EEF1AKMT1: variants seen among roughly 807,000 people sequenced by gnomAD.
EEF1AKMT1 encodes N-6 adenine-specific DNA methyltransferase 2 (putative).
In EEF1AKMT1, 18 loss-of-function variants were observed where a neutral mutation model predicts 21.0. The ratio of observed to expected loss-of-function variants is 0.86; its 90% CI spans 0.59 to 1.27. EEF1AKMT1 has a LOEUF of 1.27. Ranked by LOEUF, EEF1AKMT1 falls within the 50% of genes most tolerant of loss-of-function variation. The pLI is 0.00. For missense variants in EEF1AKMT1, 246 were observed against 258.6 expected, an observed-to-expected ratio of 0.95 and a Z score of 0.33; for synonymous variants, 109 against 94.8, an observed-to-expected ratio of 1.15 and a Z score of -0.87.
intron 1 of EEF1AKMT1, among the ~76,000 whole-genome samples, chr13:20,762,227 G>A (rs2059004892): frequency 6.8e-6 from 1 of 147,894 alleles, no homozygotes; most frequent in Non-Finnish European, 1.5e-5. Context: ...CTGTTGCCCA[G>A]GCTGGAGTGC....
chr13:20,737,605 AACC>A, intron 3 of EEF1AKMT1, 115 bp downstream of exon 3: 1 of 861,468 alleles, frequency 1.2e-6, no homozygotes, highest in East Asian at 2.8e-5. Context: ...ATATGCTGCA[AACC>A]ATGATCTACA....
intron 4 of EEF1AKMT1, among the ~76,000 whole-genome samples, chr13:20,729,491 C>A (rs945183192): frequency 1.8e-5 from 2 of 112,826 alleles, no homozygotes; most frequent in East Asian, 3.9e-4. Flanking sequence ...AGATTATACA[C>A]ACACACACAC....
chr13:20,756,403 T>A (rs985071406), intron 2 of EEF1AKMT1, among the ~76,000 whole-genome samples: 1 of 152,226 alleles, frequency 6.6e-6, no homozygotes, highest in African/African-American at 2.4e-5. Context: ...ACTATTAGTA[T>A]CTTCTTTAAA....
chr13:20,729,507 C>CAT (rs906418762), intron 4 of EEF1AKMT1, among the ~76,000 whole-genome samples: 9 of 151,728 alleles, frequency 5.9e-5, no homozygotes, highest in African/African-American at 2.2e-4. Context: ...CACACACACA[C>CAT]GTACTATATA....
chr13:20,756,832 C>A (rs1363298454), intron 2 of EEF1AKMT1, among the ~76,000 whole-genome samples: 2 of 152,118 alleles, frequency 1.3e-5, no homozygotes, highest in Non-Finnish European at 2.9e-5. Context: ...GTGCCTTCAC[C>A]TTTACCTTTT....
chr13:20,756,676 C>A (rs1332183762), intron 2 of EEF1AKMT1, among the ~76,000 whole-genome samples: 1 of 152,242 alleles, frequency 6.6e-6, no homozygotes, highest in Non-Finnish European at 1.5e-5. Context: ...GAAAGCCAAG[C>A]TACAAGTTAA....
At chr13:20,770,108 C>A (rs962006903) in intron 1 of EEF1AKMT1, among the ~76,000 whole-genome samples, 2 of 152,094 alleles carry the variant, frequency 1.3e-5, no homozygotes, top group African/African-American at 4.8e-5. Context: ...TAAATACATA[C>A]AATGGAATAT....
chr13:20,760,909 C>T (rs1199290622), intron 1 of EEF1AKMT1, among the ~76,000 whole-genome samples: 1 of 152,106 alleles, frequency 6.6e-6, no homozygotes, highest in Non-Finnish European at 1.5e-5. Flanking sequence ...ATTCTCATTC[C>T]TAAGCTTTCT....
intron 2 of EEF1AKMT1, among the ~76,000 whole-genome samples, chr13:20,742,396 A>G (rs989801380): frequency 1.5e-4 from 23 of 152,316 alleles, no homozygotes; most frequent in Admixed American, 1.4e-3. Context: ...CTAGCTTGCA[A>G]CTAGGACCTA....
At chr13:20,730,350 C>G (rs1237798770) in intron 4 of EEF1AKMT1, among the ~76,000 whole-genome samples, 3 of 152,306 alleles carry the variant, frequency 2.0e-5, no homozygotes, top group African/African-American at 4.8e-5. Context: ...TCCCGTGGCT[C>G]CACTCCTGGC....
At chr13:20,742,564 T>C (rs2058877788) in intron 2 of EEF1AKMT1, among the ~76,000 whole-genome samples, 1 of 152,160 alleles carries the variant, frequency 6.6e-6, no homozygotes, top group African/African-American at 2.4e-5. Context: ...AAAATGACCA[T>C]GAATGTCTCT....
chr13:20,733,661 T>C (rs2141411691), intron 3 of EEF1AKMT1, among the ~76,000 whole-genome samples: 1 of 152,292 alleles, frequency 6.6e-6, no homozygotes, highest in South Asian at 2.1e-4. Context: ...TATATGCATA[T>C]AGATGTACAG....
intron 2 of EEF1AKMT1, among the ~76,000 whole-genome samples, chr13:20,748,721 T>G (rs2058923374): frequency 1.1e-5 from 1 of 93,470 alleles, no homozygotes; most frequent in African/African-American, 3.7e-5. Context: ...AGTTGTTTTT[T>G]TTTGGTTTTT....
At chr13:20,738,386 GATCTTT>G (rs1186853811) in intron 2 of EEF1AKMT1, among the ~76,000 whole-genome samples, 1 of 152,170 alleles carries the variant, frequency 6.6e-6, no homozygotes, top group Non-Finnish European at 1.5e-5. Context: ...AATTTCTAGT[GATCTTT>G]ATCTATTCAT....
intron 2 of EEF1AKMT1, among the ~76,000 whole-genome samples, chr13:20,749,061 T>A (rs2141425643): frequency 6.6e-6 from 1 of 152,314 alleles, no homozygotes; most frequent in East Asian, 1.9e-4. Flanking sequence ...TTTTGGTTAG[T>A]TAGAATTAAG....
intron 1 of EEF1AKMT1, among the ~76,000 whole-genome samples, chr13:20,764,912 CA>C (rs1566539004): frequency 3.3e-5 from 5 of 150,588 alleles, no homozygotes; most frequent in Admixed American, 6.6e-5. Flanking sequence ...CACACACACA[CA>C]CACACCCTAA....
At chr13:20,749,714 G>A (rs904086344) in intron 2 of EEF1AKMT1, among the ~76,000 whole-genome samples, 1 of 151,902 alleles carries the variant, frequency 6.6e-6, no homozygotes, top group South Asian at 2.1e-4. Flanking sequence ...TTCAAAAAAA[G>A]AAAGAAAAGA....
chr13:20,731,490 C>T (rs183410952), intron 4 of EEF1AKMT1, among the ~76,000 whole-genome samples: 131 of 152,252 alleles, frequency 8.6e-4, no homozygotes, highest in African/African-American at 3.0e-3. Flanking sequence ...TAACCTCAGG[C>T]AATTCACTTA....
intron 4 of EEF1AKMT1, among the ~76,000 whole-genome samples, chr13:20,731,484 C>A (rs143628635): frequency 1.2e-4 from 18 of 152,254 alleles, no homozygotes; most frequent in African/African-American, 4.3e-4. Context: ...ACTCTGTAAC[C>A]TCAGGCAATT....
Sources: gnomAD v4.1 joint callset for allele counts (sites outside exome capture counted in the v4.1 genomes callset) on GRCh38, gnomAD v4.1.1 for gene constraint, MANE v1.5 for transcripts, NCBI Gene and HGNC (gene_info 2026-07-23, HGNC 2026-07-21) for gene names.